The following CAST variants were observed in gnomAD, a reference collection of about 807,000 sequenced individuals.
CAST encodes MIR583 host.
CAST carries 76 observed loss-of-function variants against 119.6 expected under a neutral mutation model. That is an observed-to-expected ratio of 0.64 (90% confidence interval 0.53 to 0.77). The LOEUF is 0.77. Among genes scored for constraint, CAST ranks in the 30% least tolerant of loss-of-function variants. CAST has a pLI of 0.00. For synonymous variants in CAST, 319 were observed against 331.6 expected, an observed-to-expected ratio of 0.96 and a Z score of 0.41; for missense variants, 953 against 946.5, an observed-to-expected ratio of 1.01 and a Z score of -0.09.
the CAST span, among the ~76,000 whole-genome samples, chr5:96,158,833 T>A: frequency 6.6e-6 from 1 of 152,240 alleles, no homozygotes; most frequent in Non-Finnish European, 1.5e-5. Flanking sequence ...AAGTGGGTAA[T>A]GCTGCCCTTG....
the CAST span, among the ~76,000 whole-genome samples, chr5:96,220,279 C>T: frequency 4.4e-3 from 671 of 152,298 alleles, 5 homozygotes; most frequent in African/African-American, 0.015. Flanking sequence ...GCTGTGGCAG[C>T]CATCTGGTGT....
the CAST span, among the ~76,000 whole-genome samples, chr5:96,158,959 C>T: frequency 6.6e-5 from 10 of 152,250 alleles, no homozygotes; most frequent in Non-Finnish European, 8.8e-5. Flanking sequence ...GACTTAGCAA[C>T]ACTAGTGATA....
the CAST span, among the ~76,000 whole-genome samples, chr5:96,108,582 C>G: frequency 2.0e-5 from 3 of 152,242 alleles, no homozygotes; most frequent in African/African-American, 7.2e-5. Flanking sequence ...TGTGCCTGTT[C>G]TCAGATCTCC....
chr5:96,058,936 A>G, the CAST span, among the ~76,000 whole-genome samples: 3 of 152,238 alleles, frequency 2.0e-5, no homozygotes, highest in African/African-American at 7.2e-5. Context: ...CCCAGAAAAG[A>G]TTACATTTTC....
Position 96,748,567 on chromosome 5 carries a change from G to T in CAST, c.1382G>T (p.Arg461Leu), listed in dbSNP as rs142513839. Residue 461 changes from arginine (R) to leucine (L), a missense_variant, in exon 19 of 32, where the codon CGG (arginine) becomes CTG (leucine). Physicochemically the swap from Arg to Leu is moderately radical, Grantham distance 102 (BLOSUM62 -2). Coordinates refer to ENST00000675179, the MANE Select transcript of CAST (RefSeq NM_001750.7). ...LIDELSEDFDRSECKEKPSKP... is the reference protein window; with the variant it reads ...LIDELSEDFDLSECKEKPSKP... Reference sequence around the variant, plus strand: ...GATGAACTTTCAGAAGATTTTGACCGGTCTGAATGTAAAGAGAAACCATCT... The same window carrying T: ...GATGAACTTTCAGAAGATTTTGACCTGTCTGAATGTAAAGAGAAACCATCT... The T allele has an allele frequency of 1.9e-4, 309 of 1,585,450 alleles. 2 individuals carry two copies. In the African/African-American group the frequency reaches 3.7e-3, roughly 19 times the overall value.
the CAST span, among the ~76,000 whole-genome samples, chr5:96,371,132 C>T: frequency 6.6e-6 from 1 of 152,176 alleles, no homozygotes; most frequent in African/African-American, 2.4e-5. Flanking sequence ...TTTCCATTAG[C>T]TCATAGTGTT....
chr5:96,092,801 G>A, the CAST span, among the ~76,000 whole-genome samples: 2 of 152,120 alleles, frequency 1.3e-5, no homozygotes, highest in Non-Finnish European at 2.9e-5. Context: ...TGCCACATTG[G>A]CAGCTTTAGA....
At chr5:96,218,188 A>G in the CAST span, among the ~76,000 whole-genome samples, 1 of 152,172 alleles carries the variant, frequency 6.6e-6, no homozygotes, top group Non-Finnish European at 1.5e-5. Context: ...GTGAACACTG[A>G]CCATGTTTTC....
chr5:96,649,597 T>C (rs1300937296), intron 1 of CAST, among the ~76,000 whole-genome samples: 1 of 152,220 alleles, frequency 6.6e-6, no homozygotes, highest in Non-Finnish European at 1.5e-5. Flanking sequence ...TCAATCATTC[T>C]GGGGCTAGTG....
the CAST span, among the ~76,000 whole-genome samples, chr5:96,257,027 C>G: frequency 6.6e-6 from 1 of 152,278 alleles, no homozygotes; most frequent in East Asian, 1.9e-4. Context: ...CCAGATGGCG[C>G]TGTGATTCAT....
Position 96,635,357 on chromosome 5 carries a change from GTGT to G in CAST, c.61-40177_61-40175del, listed in dbSNP as rs532101970. 7.9e-5 allele frequency among the ~76,000 whole-genome samples: 12 copies of G among 152,296 alleles called. No homozygotes were observed. The South Asian group carries it at 2.3e-3, about 29-fold the overall frequency. ...GGATAAGAAAGCCTAGAAAGAACAA[GTGT>G]TGTTATGCACACATTGAAGGAAAGT... On this transcript the variant is annotated intron_variant, in intron 1 of 11. Transcript: ENST00000505143.
chr5:96,748,602 GAA>G lies in CAST; in HGVS notation c.1420_1421del (p.Lys474AspfsTer5), dbSNP rs1561574600. The G allele has an allele frequency of 6.8e-7, 1 of 1,469,324 alleles. No individual in the cohort carries two copies. Among genetic ancestry groups the G allele is most frequent in the Non-Finnish European group, 9.5e-7 (1 of 1,050,946 alleles). The allele number at this position is 1,469,324 out of a possible 1,614,324, so 91.0% of individuals were successfully genotyped here. On this transcript the variant is annotated frameshift_variant, in exon 19 of 32. Transcript: ENST00000675179. LOFTEE classifies it high-confidence loss of function. Reference sequence around the variant, plus strand: ...TAAAGAGAAACCATCTAAGCCAACTGAAAAGACAGAAGTATGTTTCTAAACAT... The same window carrying G: ...TAAAGAGAAACCATCTAAGCCAACTGAAGACAGAAGTATGTTTCTAAACAT... ...ECKEKPSKPT[E>X]KTEESKAAAP...
At chr5:96,542,562 T>C (rs1745933335) in intron 1 of CAST, among the ~76,000 whole-genome samples, 1 of 134,512 alleles carries the variant, frequency 7.4e-6, no homozygotes, top group African/African-American at 2.7e-5. Context: ...TATGATTATT[T>C]GCCATAAGGC....
At chr5:96,727,628 G>T (rs1004469532) in intron 6 of CAST, 98 bp downstream of exon 6, 1 of 675,014 alleles carries the variant, frequency 1.5e-6, no homozygotes, top group South Asian at 2.4e-5. Context: ...TGGTAAAGGG[G>T]GTTGCTGGCT....
At chr5:96,182,311 G>A in the CAST span, among the ~76,000 whole-genome samples, 29,641 of 152,116 alleles carry the variant, frequency 0.19, 3,654 homozygotes, top group Non-Finnish European at 0.26. Flanking sequence ...ATCCTTGGCT[G>A]GTGGAGAAGT....
chr5:96,166,298 C>G, the CAST span, among the ~76,000 whole-genome samples: 1 of 151,848 alleles, frequency 6.6e-6, no homozygotes, highest in African/African-American at 2.4e-5. Flanking sequence ...TTTTAAATAT[C>G]ATTAATATAG....
chr5:96,570,044 A>G (rs1184477304), intron 1 of CAST, among the ~76,000 whole-genome samples: 1 of 152,214 alleles, frequency 6.6e-6, no homozygotes, highest in Non-Finnish European at 1.5e-5. Flanking sequence ...AGAGAGAACA[A>G]CAAAGAAAAT....
At chr5:96,172,770 T>A in the CAST span, among the ~76,000 whole-genome samples, 1 of 152,192 alleles carries the variant, frequency 6.6e-6, no homozygotes, top group Non-Finnish European at 1.5e-5. Context: ...AGTTTATAGA[T>A]CCTCTAGGAG....
the CAST span, among the ~76,000 whole-genome samples, chr5:96,440,053 C>T: frequency 6.6e-6 from 1 of 152,008 alleles, no homozygotes; most frequent in Non-Finnish European, 1.5e-5. Context: ...AAATAGCTAA[C>T]AAAAATCTGG....
Sources: allele counts gnomAD v4.1 joint callset (sites outside exome capture counted in the v4.1 genomes callset), GRCh38; gene constraint gnomAD v4.1.1; transcripts MANE v1.5; gene names NCBI Gene and HGNC (gene_info 2026-07-23, HGNC 2026-07-21).